PRDM11: variants seen among roughly 807,000 people sequenced by gnomAD.
PRDM11 encodes PR/SET domain 11.
A neutral mutation model predicts 97.8 loss-of-function variants in PRDM11; 20 were observed. That is an observed-to-expected ratio of 0.20 (90% CI 0.14 to 0.30). The LOEUF is 0.30. PRDM11 is among the 10% of genes least tolerant of loss of function. The pLI is 1.00. For synonymous variants in PRDM11, 599 were observed against 637.7 expected (o/e 0.94, Z 0.91); for missense variants, 1,139 against 1,555.2 (o/e 0.73, Z 4.50).
At chr11:45,175,992 T>C (rs1279242941) in intron 1 of PRDM11, among the ~76,000 whole-genome samples, 3 of 147,328 alleles carry the variant, frequency 2.0e-5, no homozygotes, top group Non-Finnish European at 4.4e-5. Context: ...TTTTTATCCA[T>C]TTTTTTTTCT....
rs1854406060 is a variant in PRDM11, at chr11:45,231,945, G to A, written c.*3786G>A. On this transcript the variant is annotated 3_prime_UTR_variant, in exon 8 of 8. Transcript: ENST00000683152. ...CACTTGGGACTGAGAGCAGGCTCAAGTTCCAGGGTCCCTGGATGGCAAGGT... is the reference window on the plus strand; with the variant it reads ...CACTTGGGACTGAGAGCAGGCTCAAATTCCAGGGTCCCTGGATGGCAAGGT... 1 of 152,150 alleles carries A rather than the reference G, an allele frequency of 6.6e-6. No homozygotes were observed. The allele number at this position is 152,150 out of a possible 1,614,324, so 9.4% of individuals were successfully genotyped here. A position where few individuals can be genotyped will look rare whatever the true frequency, so the allele number is the denominator to read the frequency against.
rs1854311188 is a variant in PRDM11, at chr11:45,227,752, G to A, written c.3127G>A (p.Glu1043Lys). Residue 1043 changes from glutamate (E) to lysine (K), a missense_variant, in exon 8 of 8, where the codon GAA becomes AAA. Coordinates refer to ENST00000683152, the MANE Select transcript of PRDM11 (RefSeq NM_001384648.1). The surrounding 1 kb of genome is among the most constrained non-coding windows in gnomAD (Gnocchi z 8.0). ...PRGSLLMEWR[E>K]LKADYYTKNG... ...GGGTAGTCTGTTGATGGAGTGGCGA[G>A]AACTCAAGGCTGATTACTACACCAA... is the stretch of plus-strand genomic sequence containing the variant. 6.5e-7 allele frequency: 1 copy of A among 1,533,876 alleles called. No individual in the cohort carries two copies. Among genetic ancestry groups the A allele is most frequent in the African/African-American group, 1.4e-5 (1 of 73,072 alleles).
chr11:45,114,099 G>A (rs1465640196), intron 1 of PRDM11, among the ~76,000 whole-genome samples: 1 of 151,942 alleles, frequency 6.6e-6, no homozygotes, highest in East Asian at 1.9e-4. Flanking sequence ...AATTCTCAGG[G>A]GAAGTGCAAT....
intron 6 of PRDM11, among the ~76,000 whole-genome samples, chr11:45,222,376 C>T (rs1354860159): frequency 2.6e-5 from 4 of 152,166 alleles, no homozygotes; most frequent in Admixed American, 1.3e-4. Context: ...CTTGATTTCC[C>T]GATGTCCTCA....
chr11:45,226,756 C>T lies in PRDM11; in HGVS notation c.2131C>T (p.Arg711Trp), dbSNP rs1238935176. The change falls in exon 8 of 8, where the codon CGG becomes TGG. Residue 711 changes from arginine to tryptophan, a missense_variant. Around this residue, in one of 2 missense-constraint regions of PRDM11, gnomAD observed 710 missense variants for 1,044.9 expected, o/e 0.68. Coordinates refer to ENST00000683152, the MANE Select transcript of PRDM11 (RefSeq NM_001384648.1). Reference protein sequence around the residue: ...STESYLQALDRAFSALGIRLQ... With the variant: ...STESYLQALDWAFSALGIRLQ... ...AGAAAGCTATCTCCAGGCACTTGAC[C>T]GGGCCTTCTCGGCCTTGGGCATCCG... 18 of 1,533,828 alleles carry T rather than the reference C, an allele frequency of 1.2e-5. No homozygotes were observed. The highest frequency in any genetic ancestry group is 2.4e-5 in the East Asian group (1 of 40,920).
intron 5 of PRDM11, among the ~76,000 whole-genome samples, chr11:45,218,449 A>G (rs1285534151): frequency 6.6e-6 from 1 of 152,232 alleles, no homozygotes; most frequent in East Asian, 1.9e-4. Context: ...TTTATTATCC[A>G]TCTGAATTCT....
In PRDM11 at chr11:45,228,265, T is replaced by TTATATATATATATA. The variant is rs371239644; in HGVS notation, c.*113_*126dup. 22 of 119,538 alleles carry TTATATATATATATA rather than the reference T, an allele frequency of 1.8e-4. No homozygotes were observed. The highest frequency in any genetic ancestry group is 3.2e-4 in the South Asian group (1 of 3,100). The allele number at this position is 119,538 out of a possible 1,614,324, so 7.4% of individuals were successfully genotyped here. A position where few individuals can be genotyped will look rare whatever the true frequency, so the allele number is the denominator to read the frequency against. Reference sequence around the variant, plus strand: ...ATATATTATATTATATTATATTATATTATATATATATATATATATAAACTC... The same window carrying TTATATATATATATA: ...ATATATTATATTATATTATATTATATTATATATATATATATATATATATATATATATATAAACTC... On this transcript the variant is annotated 3_prime_UTR_variant, in exon 8 of 8. Coordinates refer to ENST00000683152, the MANE Select transcript of PRDM11 (RefSeq NM_001384648.1).
At chr11:45,129,702 T>C (rs1467132996) in intron 1 of PRDM11, among the ~76,000 whole-genome samples, 1 of 152,134 alleles carries the variant, frequency 6.6e-6, no homozygotes, top group Non-Finnish European at 1.5e-5. Context: ...TCTCTCCAAA[T>C]AGCAATCTCT....
chr11:45,160,909 G>A (rs1290947844), intron 1 of PRDM11, among the ~76,000 whole-genome samples: 1 of 152,188 alleles, frequency 6.6e-6, no homozygotes, highest in Non-Finnish European at 1.5e-5. Context: ...AACAGTGGCT[G>A]TGGCCCCTGG....
intron 3 of PRDM11, 120 bp from the exon 4 acceptor site, chr11:45,182,741 C>T: frequency 7.9e-7 from 1 of 1,270,670 alleles, no homozygotes; most frequent in African/African-American, 1.5e-5. Context: ...CTACCGATGA[C>T]CCTGGGGCCT....
intron 1 of PRDM11, among the ~76,000 whole-genome samples, chr11:45,121,033 T>A (rs1247121880): frequency 6.6e-6 from 1 of 151,820 alleles, no homozygotes; most frequent in African/African-American, 2.4e-5. Flanking sequence ...AAAAAGAACA[T>A]ATAACCACGA....
intron 5 of PRDM11, 130 bp downstream of exon 5, chr11:45,204,908 G>C: frequency 1.0e-6 from 1 of 965,366 alleles, no homozygotes; most frequent in Non-Finnish European, 1.6e-6. Flanking sequence ...GGGTTTGGAT[G>C]CATCTAGCTC....
chr11:45,094,896 A>C (rs146211783), upstream of PRDM11, among the ~76,000 whole-genome samples: 128 of 129,162 alleles, frequency 9.9e-4, no homozygotes, highest in Admixed American at 2.8e-3. Context: ...GGAAGGAAGG[A>C]AGGGAAAGAA....
At chr11:45,155,270 G>A (rs1031547804) in intron 1 of PRDM11, among the ~76,000 whole-genome samples, 2 of 152,358 alleles carry the variant, frequency 1.3e-5, no homozygotes, top group African/African-American at 4.8e-5. Flanking sequence ...CTGGCTGCCC[G>A]ATGCCAGGGG....
intron 1 of PRDM11, among the ~76,000 whole-genome samples, chr11:45,172,585 A>G (rs556462770): frequency 1.3e-5 from 2 of 151,882 alleles, no homozygotes; most frequent in East Asian, 3.9e-4. Flanking sequence ...AATACAGTCA[A>G]CCCCTCCTAT....
chr11:45,129,969 A>G lies in PRDM11; in HGVS notation c.96+34068A>G, dbSNP rs186000426. Among the ~76,000 whole-genome samples, 57 of 152,294 alleles carry G rather than the reference A, an allele frequency of 3.7e-4. 1 individual carries two copies. Among genetic ancestry groups the G allele is most frequent in the Non-Finnish European group, 7.2e-4 (49 of 67,996 alleles). On this transcript the variant is annotated intron_variant, in intron 1 of 6. Coordinates refer to the PRDM11 transcript ENST00000530656. ...GAAGTAGGATAGAGTCCAACAACAG[A>G]CCCACACTTACATGGTCAACTGATT...
At chr11:45,153,112 A>G (rs367845603) in intron 1 of PRDM11, among the ~76,000 whole-genome samples, 1 of 152,244 alleles carries the variant, frequency 6.6e-6, no homozygotes, top group East Asian at 1.9e-4. Context: ...CTCTACAGCG[A>G]AGGTCAGAGC....
At chr11:45,136,277 A>G (rs1003311125) in intron 1 of PRDM11, among the ~76,000 whole-genome samples, 2 of 152,218 alleles carry the variant, frequency 1.3e-5, no homozygotes, top group Admixed American at 1.3e-4. Context: ...GTTACCTGAA[A>G]TGATAACAGA....
chr11:45,204,698 C>T lies in PRDM11; in HGVS notation c.487-13C>T. On this transcript the variant is annotated splice_polypyrimidine_tract_variant and intron_variant, in intron 4 of 7. Transcript: ENST00000683152. ...TAGAATGGCCCATCCTAGACTCTTT[C>T]TCTTTCTTCCAGATTGTGGACAAGA... 5 of 1,608,098 alleles carry T rather than the reference C, an allele frequency of 3.1e-6. No individual in the cohort carries two copies. The highest frequency in any genetic ancestry group is 4.3e-6 in the Non-Finnish European group (5 of 1,174,470).
Sources: allele counts gnomAD v4.1 joint callset (sites outside exome capture counted in the v4.1 genomes callset), GRCh38; gene constraint gnomAD v4.1.1; regional missense constraint gnomAD v4.1.1; non-coding constraint Gnocchi (gnomAD v3.1); transcripts MANE v1.5; gene names NCBI Gene and HGNC (gene_info 2026-07-23, HGNC 2026-07-21).